ADAM12: variants seen among roughly 807,000 people sequenced by gnomAD.
ADAM12 encodes ADAM metallopeptidase domain 12.
In ADAM12, 70 loss-of-function variants were observed where a neutral mutation model predicts 106.4. The ratio of observed to expected loss-of-function variants is 0.66; its 90% CI spans 0.54 to 0.80. The LOEUF (loss-of-function observed/expected upper bound fraction) is 0.80, where lower values mean the gene tolerates loss of function less well. Ranked by LOEUF, ADAM12 falls within the 30% of genes least tolerant of loss-of-function variation. The pLI is 0.00. For synonymous variants in ADAM12, 420 were observed against 433.5 expected, an observed-to-expected ratio of 0.97 and a Z score of 0.39; for missense variants, 1,010 against 1,171.9, an observed-to-expected ratio of 0.86 and a Z score of 2.02.
chr10:126,069,087 T>C (rs899860040), intron 12 of ADAM12, among the ~76,000 whole-genome samples: 3 of 152,152 alleles, frequency 2.0e-5, no homozygotes, highest in Non-Finnish European at 2.9e-5. Context: ...TGTAAGGGCA[T>C]GCAGAATAAC....
intron 3 of ADAM12, among the ~76,000 whole-genome samples, chr10:126,187,936 A>G (rs1957428979): frequency 6.6e-6 from 1 of 152,196 alleles, no homozygotes; most frequent in Non-Finnish European, 1.5e-5. Flanking sequence ...GTGTGAGATG[A>G]GCATCCAAGA....
chr10:126,054,760 A>C (rs1458136271), intron 14 of ADAM12, among the ~76,000 whole-genome samples: 1 of 152,166 alleles, frequency 6.6e-6, no homozygotes, highest in Admixed American at 6.5e-5. Flanking sequence ...GAGGTGCATC[A>C]GTGTGTAGAG....
rs150897955 is a variant in ADAM12 at position 126,272,061 on chromosome 10, C to T, written c.260+6854G>A. Among the ~76,000 whole-genome samples, 67 of 152,334 alleles carry T rather than the reference C, an allele frequency of 4.4e-4. No individual in the cohort carries two copies. In the East Asian group the frequency reaches 0.013, roughly 29 times the overall value. ...AGAGCTGCTTCATTCTACATTTTCC[C>T]TCCCCAGACCAGGCATTGGCCCCAT... On this transcript the variant is annotated intron_variant, in intron 3 of 22. Coordinates refer to ENST00000448723, the MANE Select transcript of ADAM12 (RefSeq NM_001288973.2).
chr10:126,250,657 A>C (rs1439689963), intron 3 of ADAM12, among the ~76,000 whole-genome samples: 1 of 152,194 alleles, frequency 6.6e-6, no homozygotes, highest in Non-Finnish European at 1.5e-5. Context: ...TTACATTGTT[A>C]ACCGAAATTT....
chr10:126,026,659 T>G (rs1049552567), intron 21 of ADAM12, among the ~76,000 whole-genome samples: 1 of 152,138 alleles, frequency 6.6e-6, no homozygotes, highest in Admixed American at 6.5e-5. Context: ...AACAACCTGC[T>G]CCTGAATGAC....
At chr10:126,255,362 T>G (rs1401403637) in intron 3 of ADAM12, among the ~76,000 whole-genome samples, 1 of 152,100 alleles carries the variant, frequency 6.6e-6, no homozygotes, top group Non-Finnish European at 1.5e-5. Flanking sequence ...TGTGTGGCAA[T>G]CTCAGATGGT....
At chr10:126,236,355 G>T (rs1360286363) in intron 3 of ADAM12, among the ~76,000 whole-genome samples, 1 of 152,184 alleles carries the variant, frequency 6.6e-6, no homozygotes, top group Non-Finnish European at 1.5e-5. Flanking sequence ...CGATGGGGAA[G>T]CCCCCGGGAT....
Position 126,330,510 on chromosome 10 carries a change from C to T in ADAM12, c.89-1G>A. The T allele has an allele frequency of 1.2e-6, 2 of 1,612,686 alleles. No homozygotes were observed. Among genetic ancestry groups the T allele is most frequent in the Non-Finnish European group, 8.5e-7 (1 of 1,179,610 alleles). ...CTTCCTTGGTTCCATAAGCTCACCC[C>T]TGAATCAAAAGGAAAACAGCCCTAT... On this transcript the variant is annotated splice_acceptor_variant, in intron 1 of 22. Coordinates refer to ENST00000448723, the MANE Select transcript of ADAM12 (RefSeq NM_001288973.2). LOFTEE classifies it high-confidence loss of function.
chr10:126,259,202 G>A (rs559705233), intron 3 of ADAM12, among the ~76,000 whole-genome samples: 9 of 151,964 alleles, frequency 5.9e-5, no homozygotes, highest in East Asian at 5.8e-4. Flanking sequence ...AAATTCACAC[G>A]GCAGAGTGCA....
chr10:126,162,380 C>T lies in ADAM12; in HGVS notation c.261-7075G>A, dbSNP rs190666512. ...TGGGGGTGCAGAAACAGCATGCTAG[C>T]GGGCAACGCGCAGAGGGGAGGGGAA... On this transcript the variant is annotated intron_variant, in intron 3 of 22. Transcript: ENST00000448723. Among the ~76,000 whole-genome samples the T allele has an allele frequency of 8.2e-4, 124 of 152,146 alleles. 1 individual carries two copies. Among genetic ancestry groups the T allele is most frequent in the Middle Eastern group, 6.8e-3 (2 of 294 alleles).
chr10:126,238,217 C>T (rs868123467), intron 3 of ADAM12, among the ~76,000 whole-genome samples: 31 of 152,212 alleles, frequency 2.0e-4, no homozygotes, highest in African/African-American at 7.5e-4. Context: ...GGGTGGCTCA[C>T]GCCTGTAATC....
chr10:126,325,374 T>C (rs936512528), intron 2 of ADAM12, among the ~76,000 whole-genome samples: 4 of 152,156 alleles, frequency 2.6e-5, no homozygotes, highest in African/African-American at 9.7e-5. Flanking sequence ...TGAATGCGGA[T>C]CACCTTTCTG....
At chr10:126,144,823 C>G (rs912715751) in intron 4 of ADAM12, among the ~76,000 whole-genome samples, 7 of 152,202 alleles carry the variant, frequency 4.6e-5, no homozygotes, top group African/African-American at 1.7e-4. Flanking sequence ...GTGGCCATGG[C>G]TGGCTCACTT....
intron 14 of ADAM12, among the ~76,000 whole-genome samples, chr10:126,055,373 T>A (rs1362326755): frequency 1.3e-5 from 2 of 152,192 alleles, no homozygotes; most frequent in Non-Finnish European, 2.9e-5. Context: ...TTTCCTGTCA[T>A]TACTCTCCTT....
intron 12 of ADAM12, 114 bp downstream of exon 12, chr10:126,071,363 C>A: frequency 3.0e-6 from 4 of 1,335,052 alleles, no homozygotes; most frequent in Non-Finnish European, 2.1e-6. Flanking sequence ...TAGGACTCTT[C>A]CTTCCTGAGT....
intron 4 of ADAM12, among the ~76,000 whole-genome samples, chr10:126,141,219 A>G (rs1278336): frequency 0.79 from 120,806 of 152,230 alleles, 48,209 homozygotes; most frequent in East Asian, 0.96. Flanking sequence ...TGTGGCCACA[A>G]CCCTCTGCAG....
intron 3 of ADAM12, among the ~76,000 whole-genome samples, chr10:126,199,318 G>A (rs1354521402): frequency 6.6e-6 from 1 of 152,144 alleles, no homozygotes; most frequent in Non-Finnish European, 1.5e-5. Context: ...AGATCAGCGG[G>A]CCTGACCATC....
chr10:126,116,459 G>T (rs746490214), intron 6 of ADAM12, among the ~76,000 whole-genome samples: 2 of 152,112 alleles, frequency 1.3e-5, no homozygotes, highest in Admixed American at 1.3e-4. Flanking sequence ...CCACCACTAA[G>T]ACAGGTTGCG....
chr10:126,086,684 T>A (rs1377939083), intron 11 of ADAM12, among the ~76,000 whole-genome samples: 381 of 33,984 alleles, frequency 0.011, 1 homozygote, highest in African/African-American at 0.025. Context: ...AAAAAAAATA[T>A]ATATATATAT....
Sources: allele counts gnomAD v4.1 joint callset (sites outside exome capture counted in the v4.1 genomes callset), GRCh38; gene constraint gnomAD v4.1.1; transcripts MANE v1.5; gene names NCBI Gene and HGNC (gene_info 2026-07-23, HGNC 2026-07-21).